LRP1B: variants seen among roughly 807,000 people sequenced by gnomAD.
The protein encoded by LRP1B is low-density lipoprotein receptor-related protein 1B.
Under a neutral mutation model 556.6 loss-of-function variants are expected in LRP1B, and 217 were observed. The ratio of observed to expected loss-of-function variants is 0.39; its 90% CI spans 0.35 to 0.44. The LOEUF is 0.44. Among genes scored for constraint, LRP1B ranks in the 20% least tolerant of loss-of-function variants. LRP1B has a pLI of 1.00. For synonymous variants in LRP1B, 2,047 were observed against 1,865.8 expected, an observed-to-expected ratio of 1.10 and a Z score of -2.50; for missense variants, 5,053 against 5,620.8, an observed-to-expected ratio of 0.90 and a Z score of 3.23.
At chr2:141,469,611 CA>C (rs1359221532) in intron 3 of LRP1B, among the ~76,000 whole-genome samples, 1 of 152,022 alleles carries the variant, frequency 6.6e-6, no homozygotes, top group African/African-American at 2.4e-5. Context: ...TTTAAAAAGC[CA>C]CAAAAATAGT....
chr2:141,310,944 T>TA (rs1170269672), intron 3 of LRP1B, among the ~76,000 whole-genome samples: 3 of 152,200 alleles, frequency 2.0e-5, no homozygotes, highest in Admixed American at 2.0e-4. Flanking sequence ...TTTTGTTACT[T>TA]ACTAGAAAAT....
intron 20 of LRP1B, among the ~76,000 whole-genome samples, chr2:140,949,439 A>G (rs1172920758): frequency 6.6e-6 from 1 of 152,202 alleles, no homozygotes; most frequent in Non-Finnish European, 1.5e-5. Flanking sequence ...GGATATGTTG[A>G]GAGCCATGGT....
intron 2 of LRP1B, among the ~76,000 whole-genome samples, chr2:141,744,245 T>G (rs2105550755): frequency 6.6e-6 from 1 of 152,280 alleles, no homozygotes; most frequent in South Asian, 2.1e-4. Context: ...ATTGATCTAC[T>G]TGTCATTCAG....
chr2:141,078,422 C>G (rs867610096), intron 7 of LRP1B, among the ~76,000 whole-genome samples: 1 of 152,178 alleles, frequency 6.6e-6, no homozygotes, highest in Non-Finnish European at 1.5e-5. Context: ...GCTAATTAGA[C>G]CAGTGGTGAA....
intron 45 of LRP1B, 99 bp from the exon 46 acceptor site, chr2:140,536,808 C>A (rs978231841): frequency 1.5e-5 from 13 of 848,010 alleles, no homozygotes; most frequent in Non-Finnish European, 2.1e-5. Context: ...TAAAGATAAA[C>A]TAAAATTTAT....
intron 2 of LRP1B, among the ~76,000 whole-genome samples, chr2:141,719,643 T>C (rs1169463200): frequency 2.0e-5 from 3 of 151,924 alleles, no homozygotes; most frequent in Non-Finnish European, 4.4e-5. Flanking sequence ...CAACAATGCA[T>C]TGGATAAAGA....
chr2:140,956,589 G>A (rs1695880001), intron 18 of LRP1B, among the ~76,000 whole-genome samples: 1 of 151,682 alleles, frequency 6.6e-6, no homozygotes, highest in East Asian at 1.9e-4. Context: ...TGGCTCCCAA[G>A]AATTGGTACT....
At chr2:140,940,118 C>G (rs774411981) in intron 20 of LRP1B, among the ~76,000 whole-genome samples, 14 of 152,014 alleles carry the variant, frequency 9.2e-5, no homozygotes, top group Non-Finnish European at 2.1e-4. Flanking sequence ...CTCCTGACCT[C>G]AAGTGATCCG....
chr2:140,978,597 T>C (rs998060240), intron 18 of LRP1B, among the ~76,000 whole-genome samples: 1 of 152,156 alleles, frequency 6.6e-6, no homozygotes, highest in Non-Finnish European at 1.5e-5. Flanking sequence ...TTTTAAAAAA[T>C]TGCACTCCTT....
intron 66 of LRP1B, among the ~76,000 whole-genome samples, chr2:140,438,849 C>T (rs139189866): frequency 1.6e-4 from 25 of 152,036 alleles, no homozygotes; most frequent in Non-Finnish European, 2.9e-4. Context: ...GAAAGCAAGA[C>T]GACAGAGAGG....
intron 37 of LRP1B, 54 bp downstream of exon 37, chr2:140,715,919 G>T (rs2105460929): frequency 7.2e-7 from 1 of 1,391,664 alleles, no homozygotes; most frequent in Non-Finnish European, 9.7e-7. Context: ...TTTTTCAATA[G>T]AACTTAGAAA....
chr2:141,331,528 CTTTCTTTCTTTCT>C, intron 3 of LRP1B, among the ~76,000 whole-genome samples: 1 of 85,516 alleles, frequency 1.2e-5, no homozygotes, highest in Non-Finnish European at 2.5e-5. Flanking sequence ...CTTTCTCTTT[CTTTCTTTCTTTCT>C]TTCTTTCTTT....
chr2:141,648,620 T>C (rs1689671328), intron 2 of LRP1B, among the ~76,000 whole-genome samples: 1 of 152,226 alleles, frequency 6.6e-6, no homozygotes, highest in African/African-American at 2.4e-5. Context: ...TATTTTTGTA[T>C]TACCAATGCC....
intron 1 of LRP1B, among the ~76,000 whole-genome samples, chr2:142,021,381 T>C (rs1409737196): frequency 6.6e-6 from 1 of 152,120 alleles, no homozygotes; most frequent in Non-Finnish European, 1.5e-5. Context: ...CTTGACTTTG[T>C]AAGTCATTAT....
intron 7 of LRP1B, among the ~76,000 whole-genome samples, chr2:141,127,913 A>G (rs111245311): frequency 2.2e-4 from 34 of 152,314 alleles, no homozygotes; most frequent in African/African-American, 6.7e-4. Context: ...CTTGACTTAC[A>G]TGAGTCCACG....
At chr2:140,286,749 T>C (rs1447412962) in intron 84 of LRP1B, among the ~76,000 whole-genome samples, 1 of 151,888 alleles carries the variant, frequency 6.6e-6, no homozygotes, top group East Asian at 1.9e-4. Flanking sequence ...ATGTTTATTT[T>C]CATTATCTAA....
At chr2:140,386,595 C>G (rs557060482) in intron 66 of LRP1B, among the ~76,000 whole-genome samples, 2 of 152,254 alleles carry the variant, frequency 1.3e-5, no homozygotes, top group African/African-American at 4.8e-5. Context: ...TCACATGAAC[C>G]TTTAAACAAT....
intron 41 of LRP1B, among the ~76,000 whole-genome samples, chr2:140,648,691 T>G (rs1339191415): frequency 6.6e-6 from 1 of 152,154 alleles, no homozygotes; most frequent in Non-Finnish European, 1.5e-5. Context: ...TGAAGTAAGA[T>G]AGCTTGAAGA....
At chr2:140,260,015 T>C (rs1437796570) in intron 86 of LRP1B, among the ~76,000 whole-genome samples, 1 of 151,892 alleles carries the variant, frequency 6.6e-6, no homozygotes, top group African/African-American at 2.4e-5. Flanking sequence ...CCCATATAAA[T>C]CTAAACAAAA....
Sources: gnomAD v4.1 joint callset for allele counts (sites outside exome capture counted in the v4.1 genomes callset) on GRCh38, gnomAD v4.1.1 for gene constraint, MANE v1.5 for transcripts, NCBI Gene and HGNC (gene_info 2026-07-23, HGNC 2026-07-21) for gene names.